Variants in PRKCH observed in about 807,000 individuals in gnomAD.
PRKCH encodes the protein protein kinase C eta.
In PRKCH, 28 loss-of-function variants were observed where a neutral mutation model predicts 82.5. The observed-to-expected ratio is 0.34, with a 90% CI of 0.25 to 0.47. The LOEUF (loss-of-function observed/expected upper bound fraction) is 0.47, where lower values mean the gene tolerates loss of function less well. PRKCH is among the 20% of genes least tolerant of loss of function. The pLI is 1.00. For missense variants in PRKCH, 705 were observed against 881.8 expected, an observed-to-expected ratio of 0.80 and a Z score of 2.54; for synonymous variants, 322 against 327.4, an observed-to-expected ratio of 0.98 and a Z score of 0.18.
At chr14:61,500,604 A>G (rs1886861377) in intron 10 of PRKCH, among the ~76,000 whole-genome samples, 1 of 152,176 alleles carries the variant, frequency 6.6e-6, no homozygotes, top group South Asian at 2.1e-4. Flanking sequence ...TTCCTGTTGT[A>G]AGGATCTCAG....
At chr14:61,460,095 C>T (rs980170721) in intron 9 of PRKCH, among the ~76,000 whole-genome samples, 1 of 152,182 alleles carries the variant, frequency 6.6e-6, no homozygotes, top group East Asian at 1.9e-4. Flanking sequence ...AATCCACCCA[C>T]CTCAGTCACT....
At chr14:61,278,746 AC>A (rs2045226239) in intron 1 of PRKCH, 1 of 152,192 alleles carries the variant, frequency 6.6e-6, no homozygotes, top group African/African-American at 2.4e-5. Flanking sequence ...ATAACTTTAA[AC>A]ATACTGATTG....
At chr14:61,501,567 T>G in intron 10 of PRKCH, among the ~76,000 whole-genome samples, 1 of 152,090 alleles carries the variant, frequency 6.6e-6, no homozygotes, top group Admixed American at 6.5e-5. Context: ...ATCCCTCAAT[T>G]TCTGGCACAG....
At position 61,483,434 on chromosome 14, in the gene PRKCH, C is replaced by T. The variant is rs60534280; in HGVS notation, c.1279-2068C>T. 5.3e-3 allele frequency among the ~76,000 whole-genome samples: 802 copies of T among 152,218 alleles called. 7 individuals carry two copies. The highest frequency in any genetic ancestry group is 0.034 in the Middle Eastern group (10 of 294). On this transcript the variant is annotated intron_variant, in intron 9 of 13. Coordinates refer to ENST00000332981, the MANE Select transcript of PRKCH (RefSeq NM_006255.5). ...GCCTGTTGGCTTACATTGGCCAACC[C>T]GAAGAGTTGTTTTGGTGGTGGTGGT...
intron 10 of PRKCH, among the ~76,000 whole-genome samples, chr14:61,527,619 T>C (rs918731199): frequency 6.6e-6 from 1 of 152,218 alleles, no homozygotes; most frequent in African/African-American, 2.4e-5. Context: ...ACTCCCTTAA[T>C]GAGGGAGCAT....
chr14:61,373,154 T>C (rs1253922344), intron 1 of PRKCH, among the ~76,000 whole-genome samples: 2 of 151,990 alleles, frequency 1.3e-5, no homozygotes, highest in African/African-American at 4.8e-5. Context: ...GAACTGGCTG[T>C]ATTAGTCTGT....
chr14:61,245,657 T>C (rs11628606), intron 1 of PRKCH, among the ~76,000 whole-genome samples: 107,954 of 151,474 alleles, frequency 0.71, 39,400 homozygotes, highest in Non-Finnish European at 0.79. Context: ...GGGGCAGCCT[T>C]ACAGTGGTCA....
At chr14:61,486,727 C>T (rs779070371) in intron 10 of PRKCH, among the ~76,000 whole-genome samples, 6 of 148,538 alleles carry the variant, frequency 4.0e-5, no homozygotes, top group African/African-American at 7.6e-5. Flanking sequence ...TTGGCTAGGT[C>T]GGTCTTGAAC....
chr14:61,231,453 C>T (rs752313595), intron 1 of PRKCH, among the ~76,000 whole-genome samples: 2 of 151,272 alleles, frequency 1.3e-5, no homozygotes, highest in African/African-American at 2.4e-5. Flanking sequence ...AGCTCTGCCT[C>T]CCGGGTTCAC....
chr14:61,506,405 G>T (rs1214233338), intron 10 of PRKCH, among the ~76,000 whole-genome samples: 1 of 152,058 alleles, frequency 6.6e-6, no homozygotes, highest in Non-Finnish European at 1.5e-5. Flanking sequence ...TGAAGTCAGG[G>T]GGGTGGGTAA....
At chr14:61,203,749 G>C (rs1156931366) in intron 1 of PRKCH, among the ~76,000 whole-genome samples, 1 of 152,142 alleles carries the variant, frequency 6.6e-6, no homozygotes, top group Non-Finnish European at 1.5e-5. Flanking sequence ...GCTGAGGCGG[G>C]AGAATCACTT....
chr14:61,483,739 T>TA, intron 9 of PRKCH, among the ~76,000 whole-genome samples: 1 of 152,308 alleles, frequency 6.6e-6, no homozygotes, highest in Non-Finnish European at 1.5e-5. Context: ...CGGTGGCACT[T>TA]ACAACCACAA....
intron 9 of PRKCH, among the ~76,000 whole-genome samples, chr14:61,477,704 A>T (rs77899560): frequency 1.3e-5 from 2 of 152,330 alleles, no homozygotes; most frequent in East Asian, 3.9e-4. Context: ...TTGGTTATCA[A>T]ATCTAGTTTT....
chr14:61,319,484 A>C (rs1222986749), upstream of PRKCH, among the ~76,000 whole-genome samples: 2 of 152,106 alleles, frequency 1.3e-5, no homozygotes, highest in Non-Finnish European at 2.9e-5. Context: ...GATAGGGTGA[A>C]GATGGAGTGT....
At chr14:61,203,831 A>G (rs1437842434) in intron 1 of PRKCH, among the ~76,000 whole-genome samples, 3 of 151,742 alleles carry the variant, frequency 2.0e-5, no homozygotes, top group African/African-American at 7.3e-5. Context: ...ACAAAGAGAG[A>G]CCCCGTCTCA....
chr14:61,466,772 G>A (rs905477118), intron 9 of PRKCH, among the ~76,000 whole-genome samples: 3 of 152,152 alleles, frequency 2.0e-5, no homozygotes, highest in Admixed American at 6.5e-5. Flanking sequence ...AGGACGCTCC[G>A]ATGCCGGTCG....
chr14:61,320,677 G>A (rs949172784), upstream of PRKCH, among the ~76,000 whole-genome samples: 2 of 152,198 alleles, frequency 1.3e-5, no homozygotes, highest in Non-Finnish European at 2.9e-5. Context: ...GGCCCTCAGG[G>A]AGCAAGCTTT....
At chr14:61,363,280 G>A (rs928898031) in intron 1 of PRKCH, among the ~76,000 whole-genome samples, 19 of 152,304 alleles carry the variant, frequency 1.2e-4, no homozygotes, top group African/African-American at 4.6e-4. Flanking sequence ...AAGCAGGGGT[G>A]TAAATGGCCA....
At chr14:61,536,985 C>T (rs2043118223) in intron 12 of PRKCH, among the ~76,000 whole-genome samples, 1 of 152,164 alleles carries the variant, frequency 6.6e-6, no homozygotes, top group Non-Finnish European at 1.5e-5. Context: ...CCATGGAGTG[C>T]AGAATCAGTG....
Sources: gnomAD v4.1 joint callset for allele counts (sites outside exome capture counted in the v4.1 genomes callset) on GRCh38, gnomAD v4.1.1 for gene constraint, MANE v1.5 for transcripts, NCBI Gene and HGNC (gene_info 2026-07-23, HGNC 2026-07-21) for gene names.